The following CACUL1 variants were observed in gnomAD, a reference collection of about 807,000 sequenced individuals.
CACUL1 encodes CDK2 associated cullin domain 1, also known as CDK2-associated and cullin domain-containing protein 1.
Under a neutral mutation model 45.2 loss-of-function variants are expected in CACUL1, and 13 were observed. The observed-to-expected ratio is 0.29, with a 90% CI of 0.19 to 0.46. The LOEUF is 0.46. Among genes scored for constraint, CACUL1 ranks in the 20% least tolerant of loss-of-function variants. The probability of loss-of-function intolerance (pLI) is 1.00; values close to 1 mark genes in which losing one functional copy is unlikely to be tolerated. For synonymous variants in CACUL1, 197 were observed against 174.2 expected, an observed-to-expected ratio of 1.13 and a Z score of -1.03; for missense variants, 421 against 471.4, an observed-to-expected ratio of 0.89 and a Z score of 0.99.
intron 1 of CACUL1, among the ~76,000 whole-genome samples, chr10:118,753,472 C>G (rs1353768651): frequency 6.6e-6 from 1 of 152,214 alleles, no homozygotes; most frequent in Non-Finnish European, 1.5e-5. Flanking sequence ...GAGAGAAAAA[C>G]CTGGCTGTGA....
At chr10:118,688,499 G>A (rs989044287) in intron 7 of CACUL1, among the ~76,000 whole-genome samples, 2 of 152,164 alleles carry the variant, frequency 1.3e-5, no homozygotes, top group Non-Finnish European at 2.9e-5. Context: ...AAATACAGAC[G>A]TGAAAACAAC....
chr10:118,741,438 C>T (rs576297418), intron 1 of CACUL1, among the ~76,000 whole-genome samples: 25 of 151,786 alleles, frequency 1.6e-4, no homozygotes, highest in Admixed American at 1.6e-3. Flanking sequence ...CCTGACTGTT[C>T]CATAGACACC....
intron 6 of CACUL1, among the ~76,000 whole-genome samples, chr10:118,691,804 T>C (rs978333482): frequency 2.1e-5 from 3 of 144,376 alleles, no homozygotes; most frequent in Admixed American, 1.4e-4. Context: ...GAGGCGGAGC[T>C]TGCAGTGAGC....
chr10:118,714,904 C>T (rs1019483482), intron 3 of CACUL1, among the ~76,000 whole-genome samples: 1 of 152,180 alleles, frequency 6.6e-6, no homozygotes, highest in Admixed American at 6.5e-5. Context: ...ACAGACCCCC[C>T]TGAAAGGCTT....
chr10:118,690,903 C>T (rs764173862), intron 7 of CACUL1, among the ~76,000 whole-genome samples: 7 of 152,082 alleles, frequency 4.6e-5, no homozygotes, highest in Non-Finnish European at 1.0e-4. Flanking sequence ...AAACAATTAG[C>T]CAGGTGTGGT....
In CACUL1 at chr10:118,754,400, C is replaced by T. The variant is rs747992808; in HGVS notation, c.363G>A (p.Lys121=). The part of the protein sequence containing the change: ...STININTSTS[K]FLMNVITIED... ...GCAGGGAAAGGCTGGACTCACAGAA[C>T]TTGGAGGTGGAGGTGTTGATGTTGA... The change falls in exon 1 of 9, where the codon AAG becomes AAA. Residue 121 remains lysine, a synonymous_variant. Coordinates refer to ENST00000369151, the MANE Select transcript of CACUL1 (RefSeq NM_153810.5). The T allele has an allele frequency of 2.6e-6, 4 of 1,559,368 alleles. No individual in the cohort carries two copies. The highest frequency in any genetic ancestry group is 1.2e-5 in the South Asian group (1 of 85,382).
chr10:118,702,992 A>T (rs1845398485), intron 4 of CACUL1, among the ~76,000 whole-genome samples: 1 of 151,978 alleles, frequency 6.6e-6, no homozygotes, highest in Admixed American at 6.5e-5. Flanking sequence ...TTTTTTTTGG[A>T]GATAGTGTTT....
chr10:118,687,068 T>C (rs933341039), intron 7 of CACUL1, among the ~76,000 whole-genome samples: 2 of 152,158 alleles, frequency 1.3e-5, no homozygotes, highest in African/African-American at 4.8e-5. Context: ...AAACACGATT[T>C]TTTTCTCTTT....
intron 1 of CACUL1, among the ~76,000 whole-genome samples, chr10:118,743,000 G>GA (rs1314463082): frequency 6.6e-6 from 1 of 152,172 alleles, no homozygotes; most frequent in African/African-American, 2.4e-5. Flanking sequence ...ACTACTTCAA[G>GA]AAACTGGATA....
In CACUL1 at chr10:118,754,799, C is replaced by T; in HGVS notation, c.-37G>A. 2.0e-6 allele frequency: 3 copies of T among 1,520,010 alleles called. No homozygotes were observed. The highest frequency in any genetic ancestry group is 2.9e-5 in the African/African-American group (2 of 69,422). The allele number at this position is 1,520,010 out of a possible 1,614,324, so 94.2% of individuals were successfully genotyped here. On this transcript the variant is annotated 5_prime_UTR_variant, in exon 1 of 9. It adds an upstream start codon to the 5' untranslated region. Transcript: ENST00000369151. ...CCGGCACCCGCCCGCCTCACAGGCA[C>T]CTGCCGCCTGTCTCAACCCCGGGCC...
In CACUL1 at chr10:118,703,592, C is replaced by G. The variant is rs562418806; in HGVS notation, c.694-2184G>C. ...TTTGTATAATAAATTCCTAGAGATA[C>G]AATTCTTGAGTCAGATTTTTGCATA... On this transcript the variant is annotated intron_variant, in intron 4 of 8. Transcript: ENST00000369151. Among the ~76,000 whole-genome samples the G allele has an allele frequency of 4.6e-5, 7 of 152,184 alleles. No individual in the cohort carries two copies. In the East Asian group the frequency reaches 1.2e-3, roughly 25 times the overall value.
chr10:118,743,244 C>G (rs528838998), intron 1 of CACUL1, among the ~76,000 whole-genome samples: 106 of 151,856 alleles, frequency 7.0e-4, no homozygotes, highest in Non-Finnish European at 1.1e-3. Flanking sequence ...ACTCATGGTA[C>G]AATAACAAGT....
intron 7 of CACUL1, among the ~76,000 whole-genome samples, chr10:118,688,909 T>C (rs1845234237): frequency 6.6e-6 from 1 of 152,248 alleles, no homozygotes; most frequent in Admixed American, 6.5e-5. Context: ...AGTCACTTTA[T>C]TTTAAAACAA....
intron 1 of CACUL1, among the ~76,000 whole-genome samples, chr10:118,749,975 AAAC>A (rs1361952026): frequency 1.3e-5 from 2 of 152,230 alleles, no homozygotes; most frequent in African/African-American, 4.8e-5. Flanking sequence ...TCGAAGCAAC[AAAC>A]AACACATCTC....
intron 1 of CACUL1, among the ~76,000 whole-genome samples, chr10:118,744,412 A>AC (rs1343000677): frequency 1.3e-5 from 2 of 151,984 alleles, no homozygotes; most frequent in South Asian, 2.1e-4. Flanking sequence ...ACAAACAAAA[A>AC]AAACAAAGAT....
Position 118,754,445 on chromosome 10 carries a change from G to C in CACUL1, c.318C>G (p.Ala106=). 1 of 1,575,276 alleles carries C rather than the reference G, an allele frequency of 6.3e-7. No individual in the cohort carries two copies. The highest frequency in any genetic ancestry group is 8.6e-7 in the Non-Finnish European group (1 of 1,160,620). The change falls in exon 1 of 9, where the codon GCC becomes GCG. Residue 106 remains alanine (A), a synonymous_variant. Coordinates refer to ENST00000369151, the MANE Select transcript of CACUL1 (RefSeq NM_153810.5). ...AAAAVAKAAP[A]PTASSTININ... ...TGTTGATGGTGGAGCTGGCGGTGGG[G>C]GCGGGGGCCGCCTTGGCCACGGCGG...
intron 1 of CACUL1, among the ~76,000 whole-genome samples, chr10:118,748,963 G>C (rs1283385170): frequency 6.6e-6 from 1 of 152,178 alleles, no homozygotes; most frequent in Non-Finnish European, 1.5e-5. Flanking sequence ...GAGTCAGGAG[G>C]AGGGAGGAAG....
chr10:118,745,142 G>A (rs1031171106), intron 1 of CACUL1, among the ~76,000 whole-genome samples: 2 of 152,138 alleles, frequency 1.3e-5, no homozygotes, highest in Non-Finnish European at 2.9e-5. Flanking sequence ...CTATTTGAAG[G>A]TAGACTGTTG....
At chr10:118,724,436 T>C (rs1845633002) in intron 3 of CACUL1, among the ~76,000 whole-genome samples, 1 of 152,174 alleles carries the variant, frequency 6.6e-6, no homozygotes, top group Non-Finnish European at 1.5e-5. Flanking sequence ...ATCAATTATA[T>C]GTCCACTACC....
Sources: allele counts gnomAD v4.1 joint callset (sites outside exome capture counted in the v4.1 genomes callset), GRCh38; gene constraint gnomAD v4.1.1; transcripts MANE v1.5; gene names NCBI Gene and HGNC (gene_info 2026-07-23, HGNC 2026-07-21).